CSMD1: variants seen among roughly 807,000 people sequenced by gnomAD.
The protein encoded by CSMD1 is CUB and sushi domain-containing protein 1.
A neutral mutation model predicts 417.5 loss-of-function variants in CSMD1; 213 were observed. The ratio of observed to expected loss-of-function variants is 0.51; its 90% confidence interval spans 0.46 to 0.57. The LOEUF is 0.57. Ranked by LOEUF, CSMD1 falls within the 20% of genes least tolerant of loss-of-function variation. The probability of loss-of-function intolerance (pLI) is 0.00; values close to 1 mark genes in which losing one functional copy is unlikely to be tolerated. For missense variants in CSMD1, 6,923 were observed against 4,529.7 expected (o/e 1.53, Z -15.17); for synonymous variants, 2,862 against 1,736.8 (o/e 1.65, Z -16.11).
At chr8:4,578,391 G>C (rs1432969307) in intron 2 of CSMD1, among the ~76,000 whole-genome samples, 1 of 135,764 alleles carries the variant, frequency 7.4e-6, no homozygotes. Flanking sequence ...GTGTTAGCCA[G>C]GATGTTCTCG....
intron 17 of CSMD1, among the ~76,000 whole-genome samples, chr8:3,393,734 C>A (rs891465078): frequency 4.0e-5 from 6 of 151,152 alleles, no homozygotes; most frequent in Non-Finnish European, 8.8e-5. Context: ...CAAACTATGG[C>A]AAAGACAAAA....
chr8:3,166,395 G>A (rs375162398), intron 37 of CSMD1, among the ~76,000 whole-genome samples: 7 of 152,152 alleles, frequency 4.6e-5, no homozygotes, highest in South Asian at 2.1e-4. Flanking sequence ...GTACCCGGGC[G>A]TGGTGGTGTG....
chr8:3,914,161 A>G (rs1225877109), intron 5 of CSMD1, among the ~76,000 whole-genome samples: 1 of 152,184 alleles, frequency 6.6e-6, no homozygotes, highest in East Asian at 1.9e-4. Flanking sequence ...TAATTCAGTC[A>G]GAGAAAACAA....
chr8:4,581,509 G>T (rs887774577), intron 2 of CSMD1, among the ~76,000 whole-genome samples: 2 of 152,160 alleles, frequency 1.3e-5, no homozygotes, highest in Non-Finnish European at 2.9e-5. Context: ...AAGGGTTTGA[G>T]AAGCATGCAT....
At chr8:4,041,831 C>G (rs1020250275) in intron 3 of CSMD1, among the ~76,000 whole-genome samples, 2 of 151,918 alleles carry the variant, frequency 1.3e-5, no homozygotes, top group Non-Finnish European at 2.9e-5. Flanking sequence ...AAAACAAACC[C>G]AGATTGAACA....
chr8:4,385,558 T>G (rs371945836), intron 3 of CSMD1, among the ~76,000 whole-genome samples: 44 of 152,352 alleles, frequency 2.9e-4, no homozygotes, highest in African/African-American at 1.1e-3. Context: ...GACTGCACAT[T>G]ACTACAGTGT....
intron 2 of CSMD1, among the ~76,000 whole-genome samples, chr8:4,465,829 G>T (rs186033195): frequency 6.6e-6 from 1 of 152,182 alleles, no homozygotes; most frequent in South Asian, 2.1e-4. Flanking sequence ...CATTCCTGAA[G>T]TATCTCAAGC....
At chr8:4,116,198 T>C (rs145387108) in intron 3 of CSMD1, among the ~76,000 whole-genome samples, 2,524 of 151,980 alleles carry the variant, frequency 0.017, 70 homozygotes, top group African/African-American at 0.058. Flanking sequence ...TTCCCCATGT[T>C]GGCCAGGCTG....
intron 3 of CSMD1, among the ~76,000 whole-genome samples, chr8:4,125,496 G>A (rs1355911564): frequency 2.0e-5 from 3 of 152,172 alleles, no homozygotes; most frequent in Admixed American, 6.5e-5. Flanking sequence ...GCCGCACTGG[G>A]TACACGTCGG....
intron 2 of CSMD1, among the ~76,000 whole-genome samples, chr8:4,455,761 T>C (rs1799429325): frequency 6.6e-6 from 1 of 150,626 alleles, no homozygotes; most frequent in South Asian, 2.1e-4. Context: ...TGAAACCCCG[T>C]CTCTACTAAA....
intron 7 of CSMD1, among the ~76,000 whole-genome samples, chr8:3,662,143 T>G (rs1482195): frequency 0.61 from 93,160 of 152,014 alleles, 29,129 homozygotes; most frequent in Admixed American, 0.67. Context: ...TCACAAAAGA[T>G]TTAGGCTATA....
At chr8:3,790,525 G>C (rs1799677323) in intron 5 of CSMD1, among the ~76,000 whole-genome samples, 1 of 152,164 alleles carries the variant, frequency 6.6e-6, no homozygotes, top group Non-Finnish European at 1.5e-5. Flanking sequence ...ATAACCGTGT[G>C]ATGGTGATAA....
At chr8:3,161,779 A>C (rs936706929) in intron 38 of CSMD1, among the ~76,000 whole-genome samples, 2 of 152,284 alleles carry the variant, frequency 1.3e-5, no homozygotes, top group South Asian at 2.1e-4. Context: ...ACTTATACTG[A>C]ATGATGAGAA....
At chr8:4,666,455 C>A (rs1333406802) in intron 1 of CSMD1, among the ~76,000 whole-genome samples, 1 of 152,106 alleles carries the variant, frequency 6.6e-6, no homozygotes, top group Non-Finnish European at 1.5e-5. Flanking sequence ...GCAATGTGGG[C>A]AGCCTCTAGA....
intron 1 of CSMD1, among the ~76,000 whole-genome samples, chr8:4,818,587 T>C (rs891966568): frequency 2.6e-5 from 4 of 152,114 alleles, no homozygotes; most frequent in East Asian, 1.9e-4. Context: ...CCCTGATAAA[T>C]CATGTGTCAG....
chr8:3,544,458 A>AC (rs1441974332), intron 10 of CSMD1, among the ~76,000 whole-genome samples: 1 of 151,966 alleles, frequency 6.6e-6, no homozygotes, highest in African/African-American at 2.4e-5. Flanking sequence ...GGAACGCCTT[A>AC]CTCTGTCCAT....
intron 3 of CSMD1, among the ~76,000 whole-genome samples, chr8:4,274,477 A>G (rs889765591): frequency 3.3e-5 from 5 of 152,188 alleles, no homozygotes; most frequent in Non-Finnish European, 5.9e-5. Flanking sequence ...AATGGCATTA[A>G]TTGAAACATC....
chr8:3,785,735 G>A (rs1010925902), intron 5 of CSMD1, among the ~76,000 whole-genome samples: 1 of 152,166 alleles, frequency 6.6e-6, no homozygotes, highest in Non-Finnish European at 1.5e-5. Context: ...CCAGGGTGCG[G>A]GGAGCCAGGA....
intron 5 of CSMD1, among the ~76,000 whole-genome samples, chr8:3,839,654 GAA>G (rs112068635): frequency 1.7e-5 from 2 of 120,888 alleles, no homozygotes; most frequent in Non-Finnish European, 1.7e-5. Flanking sequence ...CTTCAACTCA[GAA>G]AAAAAAAAAA....
Sources: gnomAD v4.1 joint callset for allele counts (sites outside exome capture counted in the v4.1 genomes callset) on GRCh38, gnomAD v4.1.1 for gene constraint, MANE v1.5 for transcripts, NCBI Gene and HGNC (gene_info 2026-07-23, HGNC 2026-07-21) for gene names.